The following PTPRD variants were observed in gnomAD, a reference collection of about 807,000 sequenced individuals.
The protein encoded by PTPRD is receptor-type tyrosine-protein phosphatase delta.
A neutral mutation model predicts 214.5 loss-of-function variants in PTPRD; 34 were observed. That is an observed-to-expected ratio of 0.16 (90% CI 0.12 to 0.21). The LOEUF is 0.21. Among genes scored for constraint, PTPRD ranks in the 10% least tolerant of loss-of-function variants. PTPRD has a pLI of 1.00. For synonymous variants in PTPRD, 1,128 were observed against 845.7 expected (o/e 1.33, Z -5.79); for missense variants, 2,545 against 2,398.7 (o/e 1.06, Z -1.27).
At chr9:8,825,903 G>T (rs900182344) in intron 11 of PTPRD, among the ~76,000 whole-genome samples, 8 of 152,200 alleles carry the variant, frequency 5.3e-5, no homozygotes, top group Non-Finnish European at 1.0e-4. Flanking sequence ...CCATTTTGGT[G>T]TTGGTGGGTT....
intron 39 of PTPRD, among the ~76,000 whole-genome samples, chr9:8,353,964 GTT>G (rs35377231): frequency 3.5e-5 from 1 of 28,240 alleles, no homozygotes; most frequent in African/African-American, 9.4e-5. Flanking sequence ...ATATATATAT[GTT>G]TTTTTTTTTT....
At chr9:10,239,448 T>A (rs757441098) in intron 3 of PTPRD, among the ~76,000 whole-genome samples, 39 of 151,968 alleles carry the variant, frequency 2.6e-4, no homozygotes, top group Non-Finnish European at 4.6e-4. Context: ...AACTATTTCA[T>A]TGTAAATTAC....
At chr9:9,795,629 T>C (rs1256482853) in intron 5 of PTPRD, among the ~76,000 whole-genome samples, 1 of 152,212 alleles carries the variant, frequency 6.6e-6, no homozygotes, top group Non-Finnish European at 1.5e-5. Context: ...CATTAACCTT[T>C]TTCTTATTTT....
chr9:8,848,942 T>A (rs962847359), intron 11 of PTPRD, among the ~76,000 whole-genome samples: 1 of 125,948 alleles, frequency 7.9e-6, no homozygotes, highest in African/African-American at 2.9e-5. Context: ...CTGAGCAGAA[T>A]GCCTGGCATA....
rs553855341 is a variant in PTPRD at position 8,320,029 on chromosome 9, T to C, written c.5535-63A>G. ...GTTCACAGTCTTGGCCACATTTGCT[T>C]GGGTGTGGACATACTTCTACCAGCT... On this transcript the variant is annotated intron_variant, in intron 44 of 45. Transcript: ENST00000381196. 1.9e-6 allele frequency: 3 copies of C among 1,582,502 alleles called. No homozygotes were observed. In the African/African-American group the frequency reaches 4.1e-5, roughly 21 times the overall value.
intron 33 of PTPRD, among the ~76,000 whole-genome samples, chr9:8,454,919 G>A (rs761984328): frequency 9.9e-5 from 15 of 151,850 alleles, no homozygotes; most frequent in Non-Finnish European, 1.0e-4. Flanking sequence ...GGAAGTGTTC[G>A]ACAGTGGAGA....
intron 11 of PTPRD, among the ~76,000 whole-genome samples, chr9:9,018,202 G>T (rs985090057): frequency 2.0e-5 from 3 of 152,004 alleles, no homozygotes; most frequent in African/African-American, 4.8e-5. Flanking sequence ...CTATTGGGTG[G>T]TTGTTGTATT....
chr9:9,531,768 T>C (rs978365078), intron 8 of PTPRD, among the ~76,000 whole-genome samples: 50 of 152,134 alleles, frequency 3.3e-4, no homozygotes, highest in African/African-American at 1.2e-3. Flanking sequence ...TTTAATTCTC[T>C]TGGGAGCAGG....
intron 2 of PTPRD, among the ~76,000 whole-genome samples, chr9:10,381,839 T>C (rs2097832102): frequency 6.6e-6 from 1 of 151,956 alleles, no homozygotes; most frequent in Admixed American, 6.6e-5. Context: ...ACCAGTGGCA[T>C]TATTGGAGGA....
intron 3 of PTPRD, among the ~76,000 whole-genome samples, chr9:10,218,562 C>A: frequency 6.6e-6 from 1 of 151,868 alleles, no homozygotes; most frequent in African/African-American, 2.4e-5. Context: ...ACCTACTTAC[C>A]TTTACCTCTA....
chr9:8,691,286 A>G (rs894508166), intron 12 of PTPRD, among the ~76,000 whole-genome samples: 2 of 151,870 alleles, frequency 1.3e-5, no homozygotes, highest in African/African-American at 2.4e-5. Context: ...CGTATCCACT[A>G]TTGGTTTCTT....
chr9:8,451,884 T>G (rs530779972), intron 33 of PTPRD: 5 of 500,374 alleles, frequency 1.0e-5, no homozygotes, highest in Non-Finnish European at 2.0e-5. Context: ...GCAAGAAAAC[T>G]ACTTTACTCT....
intron 39 of PTPRD, among the ~76,000 whole-genome samples, chr9:8,372,424 A>C (rs2081845266): frequency 6.6e-6 from 1 of 151,992 alleles, no homozygotes; most frequent in Non-Finnish European, 1.5e-5. Context: ...CATCTTACTT[A>C]ATTTTTATAA....
intron 19 of PTPRD, among the ~76,000 whole-genome samples, chr9:8,521,898 T>C (rs1026269238): frequency 1.3e-5 from 2 of 152,196 alleles, no homozygotes; most frequent in Non-Finnish European, 2.9e-5. Flanking sequence ...AATGATTCTA[T>C]GCAGGCATGT....
intron 8 of PTPRD, among the ~76,000 whole-genome samples, chr9:9,453,080 G>A (rs1479942512): frequency 6.7e-6 from 1 of 148,340 alleles, no homozygotes; most frequent in East Asian, 2.0e-4. Context: ...TGTGACCACT[G>A]ATACATATTA....
intron 10 of PTPRD, among the ~76,000 whole-genome samples, chr9:9,170,699 G>A (rs2099912770): frequency 6.6e-6 from 1 of 152,162 alleles, no homozygotes; most frequent in Non-Finnish European, 1.5e-5. Flanking sequence ...TTGAAAAGAT[G>A]ATTTGACAAA....
intron 12 of PTPRD, among the ~76,000 whole-genome samples, chr9:8,667,704 A>C (rs985794677): frequency 6.6e-6 from 1 of 152,148 alleles, no homozygotes; most frequent in African/African-American, 2.4e-5. Context: ...TTTTGTGTTT[A>C]GACTTGGGTC....
At chr9:10,494,426 T>C (rs957014226) in intron 2 of PTPRD, among the ~76,000 whole-genome samples, 2 of 151,886 alleles carry the variant, frequency 1.3e-5, no homozygotes, top group African/African-American at 4.8e-5. Context: ...TTTATAAGCA[T>C]TTTAACAGTA....
At chr9:8,957,256 C>G (rs560735765) in intron 11 of PTPRD, among the ~76,000 whole-genome samples, 1 of 151,764 alleles carries the variant, frequency 6.6e-6, no homozygotes, top group East Asian at 1.9e-4. Flanking sequence ...CTGGGGCTAC[C>G]TACTCCTCCA....
Sources: allele counts gnomAD v4.1 joint callset (sites outside exome capture counted in the v4.1 genomes callset), GRCh38; gene constraint gnomAD v4.1.1; transcripts MANE v1.5; gene names NCBI Gene and HGNC (gene_info 2026-07-23, HGNC 2026-07-21).